C2orf76: variants seen among roughly 807,000 people sequenced by gnomAD.
The protein encoded by C2orf76 is chromosome 2 open reading frame 76.
In C2orf76, 23 loss-of-function variants were observed where a neutral mutation model predicts 16.9. That is an observed-to-expected ratio of 1.36 (90% CI 0.98 to 1.93). C2orf76 has a LOEUF of 1.93. Ranked by LOEUF, C2orf76 falls within the 30% of genes most tolerant of loss-of-function variation. The pLI, the probability that C2orf76 is intolerant of heterozygous loss-of-function variation, is 0.00. For synonymous variants in C2orf76, 48 were observed against 52.3 expected (o/e 0.92, Z 0.35); for missense variants, 152 against 152.6 (o/e 1.00, Z 0.02).
chr2:119,341,815 A>T (rs567833948), intron 1 of C2orf76, among the ~76,000 whole-genome samples: 1 of 152,354 alleles, frequency 6.6e-6, no homozygotes, highest in Non-Finnish European at 1.5e-5. Flanking sequence ...TAACAGTGAG[A>T]CATATCACTC....
At chr2:119,367,030 G>A, upstream of C2orf76, 1 of 1,614,062 alleles carries the variant, frequency 6.2e-7, no homozygotes, top group South Asian at 1.1e-5. Flanking sequence ...TGTCTCCCTG[G>A]AGTTCTTGCA....
chr2:119,352,803 T>C (rs1033103831), intron 1 of C2orf76, among the ~76,000 whole-genome samples: 2 of 152,184 alleles, frequency 1.3e-5, no homozygotes, highest in Admixed American at 6.5e-5. Flanking sequence ...AGGTTATATA[T>C]ATAGAGAGAG....
the C2orf76 span, among the ~76,000 whole-genome samples, chr2:119,287,548 C>T: frequency 6.6e-6 from 1 of 151,840 alleles, no homozygotes; most frequent in African/African-American, 2.4e-5. Flanking sequence ...ATCACATATA[C>T]ATTTTTAAGA....
chr2:119,354,772 G>T (rs1318926225), intron 1 of C2orf76, among the ~76,000 whole-genome samples: 4 of 151,978 alleles, frequency 2.6e-5, no homozygotes, highest in South Asian at 2.1e-4. Flanking sequence ...TTTTAGATAG[G>T]TCAAAAAAAT....
At position 119,348,536 on chromosome 2, in the gene C2orf76, ATT is replaced by A. The variant is rs1680277781; in HGVS notation, c.-12-8567_-12-8566del. Among the ~76,000 whole-genome samples the A allele has an allele frequency of 3.3e-5, 5 of 152,104 alleles. No homozygotes were observed. The South Asian group carries it at 1.0e-3, about 32-fold the overall frequency. On this transcript the variant is annotated intron_variant, in intron 1 of 5. Transcript: ENST00000334816. ...ACCCTGTCTCTACTAAAAGTACAAAATTAGCCAGGCGTGGTGGTGCGCGCCTG... is the reference window on the plus strand; with the variant it reads ...ACCCTGTCTCTACTAAAAGTACAAAAAGCCAGGCGTGGTGGTGCGCGCCTG...
At chr2:119,318,688 C>T (rs558211295) in intron 3 of C2orf76, among the ~76,000 whole-genome samples, 2 of 152,208 alleles carry the variant, frequency 1.3e-5, no homozygotes, top group Admixed American at 6.5e-5. Flanking sequence ...CACCACCACA[C>T]CTAGCTAATT....
At chr2:119,354,864 C>T (rs1680519967) in intron 1 of C2orf76, among the ~76,000 whole-genome samples, 1 of 152,230 alleles carries the variant, frequency 6.6e-6, no homozygotes, top group Non-Finnish European at 1.5e-5. Flanking sequence ...GCACATGCTT[C>T]TCCATGCTGT....
intron 5 of C2orf76, 107 bp from the exon 6 acceptor site, chr2:119,302,655 A>G: frequency 1.9e-6 from 1 of 513,702 alleles, no homozygotes; most frequent in East Asian, 3.4e-5. Context: ...ATAGCTTCAG[A>G]TGCCCAAAGT....
intron 5 of C2orf76, among the ~76,000 whole-genome samples, chr2:119,310,389 G>GT (rs576255864): frequency 1.3e-3 from 194 of 152,276 alleles, no homozygotes; most frequent in Non-Finnish European, 1.9e-3. Context: ...AGCAAATATT[G>GT]TAGACATCAA....
intron 5 of C2orf76, among the ~76,000 whole-genome samples, chr2:119,305,886 A>G (rs1277819774): frequency 6.6e-6 from 1 of 151,598 alleles, no homozygotes; most frequent in African/African-American, 2.4e-5. Flanking sequence ...CTGCTGGCAG[A>G]GAAGATTTCA....
chr2:119,324,716 G>A (rs1341264270), intron 2 of C2orf76, among the ~76,000 whole-genome samples: 1 of 152,142 alleles, frequency 6.6e-6, no homozygotes, highest in African/African-American at 2.4e-5. Flanking sequence ...CCAGAACCCT[G>A]CCCTCTCGAC....
At chr2:119,319,768 T>C (rs530624913) in intron 3 of C2orf76, among the ~76,000 whole-genome samples, 2 of 151,884 alleles carry the variant, frequency 1.3e-5, no homozygotes, top group Non-Finnish European at 2.9e-5. Context: ...AGACAGTGAC[T>C]GGCAAAACTG....
chr2:119,355,113 A>G (rs1364619097), intron 1 of C2orf76, among the ~76,000 whole-genome samples: 2 of 152,228 alleles, frequency 1.3e-5, no homozygotes, highest in Non-Finnish European at 2.9e-5. Flanking sequence ...ACCATTCTGG[A>G]CAGTTGAGTT....
chr2:119,359,318 G>A (rs1251881117), intron 1 of C2orf76, among the ~76,000 whole-genome samples: 1 of 152,182 alleles, frequency 6.6e-6, no homozygotes, highest in Non-Finnish European at 1.5e-5. Context: ...CATGGACAAG[G>A]AGATTCATGT....
chr2:119,293,565 AT>A, the C2orf76 span, among the ~76,000 whole-genome samples: 1 of 152,230 alleles, frequency 6.6e-6, no homozygotes, highest in Non-Finnish European at 1.5e-5. Flanking sequence ...CGGGGCAGGA[AT>A]GAGAACAGGA....
intron 1 of C2orf76, among the ~76,000 whole-genome samples, chr2:119,349,703 G>T (rs968144252): frequency 6.6e-6 from 1 of 152,010 alleles, no homozygotes; most frequent in Non-Finnish European, 1.5e-5. Context: ...CCAGCTCAGG[G>T]GGCTATCTTC....
At chr2:119,282,559 G>A in the C2orf76 span, among the ~76,000 whole-genome samples, 2 of 152,174 alleles carry the variant, frequency 1.3e-5, no homozygotes, top group South Asian at 4.1e-4. Flanking sequence ...TTGGCATCTT[G>A]GTGCCTCCAA....
downstream of C2orf76, among the ~76,000 whole-genome samples, chr2:119,297,965 G>A (rs1678565346): frequency 6.6e-6 from 1 of 151,964 alleles, no homozygotes; most frequent in Admixed American, 6.6e-5. Context: ...ACATGTTTTG[G>A]TTTTGTTTTT....
chr2:119,344,624 T>A (rs961663570), intron 1 of C2orf76, among the ~76,000 whole-genome samples: 1 of 152,178 alleles, frequency 6.6e-6, no homozygotes, highest in African/African-American at 2.4e-5. Flanking sequence ...TAGAAGAATC[T>A]GTGAGCTTTG....
Sources: gnomAD v4.1 joint callset for allele counts (sites outside exome capture counted in the v4.1 genomes callset) on GRCh38, gnomAD v4.1.1 for gene constraint, MANE v1.5 for transcripts, NCBI Gene and HGNC (gene_info 2026-07-23, HGNC 2026-07-21) for gene names.